Variants in DEFB118 observed in about 807,000 individuals in gnomAD.
DEFB118 encodes the protein defensin beta 118, also known as defensin, beta 18.
Under a neutral mutation model 2.8 loss-of-function variants are expected in DEFB118, and 3 were observed. The observed-to-expected ratio is 1.09, with a 90% CI of 0.50 to 2.82. DEFB118 has a LOEUF of 2.82. Ranked by LOEUF, DEFB118 falls within the 30% of genes most tolerant of loss-of-function variation. DEFB118 has a pLI of 0.04. For missense variants in DEFB118, 159 were observed against 144.6 expected, an observed-to-expected ratio of 1.10 and a Z score of -0.51; for synonymous variants, 63 against 53.5, an observed-to-expected ratio of 1.18 and a Z score of -0.78.
chr20:31,373,184 A>G lies in DEFB118; in HGVS notation c.*14A>G. ...CATAGCTCATGACTTCCTCTCGGCT[A>G]TCACTCACCCCTGTCCTCAGAGTGA... On this transcript the variant is annotated 3_prime_UTR_variant, in exon 2 of 2. Transcript: ENST00000253381. 6.2e-7 allele frequency: 1 copy of G among 1,608,808 alleles called. No homozygotes were observed. Among genetic ancestry groups the G allele is most frequent in the Non-Finnish European group, 8.5e-7 (1 of 1,177,340 alleles).
At position 31,373,765 on chromosome 20, in the gene DEFB118, G is replaced by A. The variant is rs1600501008; in HGVS notation, c.*595G>A. On this transcript the variant is annotated 3_prime_UTR_variant, in exon 2 of 2. Transcript: ENST00000253381. The stretch of plus-strand genomic sequence containing the variant: ...GCTGTCGAAAAGCTTTTATGGCTCT[G>A]TAGACCCATCTTTTTGACCAAGCCT... 1 of 153,246 alleles carries A rather than the reference G, an allele frequency of 6.5e-6. No homozygotes were observed. Among genetic ancestry groups the A allele is most frequent in the Non-Finnish European group, 1.5e-5 (1 of 68,838 alleles). 9.5% of individuals were successfully genotyped at this position (153,246 alleles called of 1,614,324 possible). A position where few individuals can be genotyped will look rare whatever the true frequency, so the allele number is the denominator to read the frequency against.
In DEFB118 at chr20:31,373,444, CTTAG is replaced by C. The variant is rs1206230144; in HGVS notation, c.*279_*282del. 1 of 418,134 alleles carries C rather than the reference CTTAG, an allele frequency of 2.4e-6. No homozygotes were observed. The highest frequency in any genetic ancestry group is 4.3e-6 in the Non-Finnish European group (1 of 234,476). 25.9% of individuals were successfully genotyped at this position (418,134 alleles called of 1,614,324 possible). A position where few individuals can be genotyped will look rare whatever the true frequency, so the allele number is the denominator to read the frequency against. ...AGTGACCTATGCACAACTTCAATAGCTTAGTTAGCTATTCCAACAACAATTTCTT... is the reference window on the plus strand; with the variant it reads ...AGTGACCTATGCACAACTTCAATAGCTTAGCTATTCCAACAACAATTTCTT... On this transcript the variant is annotated 3_prime_UTR_variant, in exon 2 of 2. Transcript: ENST00000253381.
intron 1 of DEFB118, among the ~76,000 whole-genome samples, chr20:31,369,388 T>G (rs987549117): frequency 1.0e-4 from 15 of 142,892 alleles, no homozygotes; most frequent in Admixed American, 4.1e-4. Flanking sequence ...CTCTTGTGTT[T>G]TTTTTTTTTT....
In DEFB118 at chr20:31,373,033, G is replaced by T. The variant is rs1224205467; in HGVS notation, c.235G>T (p.Gly79Ter). ...SPTPLSDSTP[G>*]IIDDILTVRF... ...CACACCCTTGAGTGACTCAACACCAGGAATTATTGATGATATTTTAACAGT... is the reference window on the plus strand; with the variant it reads ...CACACCCTTGAGTGACTCAACACCATGAATTATTGATGATATTTTAACAGT... Residue 79 changes from glycine (G) to a stop codon, truncating the protein, a stop_gained, in exon 2 of 2, where the codon GGA (glycine) becomes TGA (stop). Coordinates refer to ENST00000253381, the MANE Select transcript of DEFB118 (RefSeq NM_054112.3). LOFTEE classifies it low-confidence loss of function (END_TRUNC). The T allele has an allele frequency of 6.2e-7, 1 of 1,614,128 alleles. No homozygotes were observed. Among genetic ancestry groups the T allele is most frequent in the Admixed American group, 1.7e-5 (1 of 60,022 alleles).
Position 31,373,110 on chromosome 20 carries a change from A to G in DEFB118, c.312A>G (p.Glu104=), listed in dbSNP as rs1178889974. Residue 104 remains glutamate, a synonymous_variant, in exon 2 of 2, where the codon GAA becomes GAG. Coordinates refer to ENST00000253381, the MANE Select transcript of DEFB118 (RefSeq NM_054112.3). ...FEVSSKKDMV[E]ESEAGRGTET... is the part of the protein sequence containing the mutation. ...TAAGCAGCAAGAAAGATATGGTTGAAGAGTCTGAGGCGGGAAGGGGAACTG... is the reference window on the plus strand; with the variant it reads ...TAAGCAGCAAGAAAGATATGGTTGAGGAGTCTGAGGCGGGAAGGGGAACTG... 19 of 1,614,074 alleles carry G rather than the reference A, an allele frequency of 1.2e-5. No homozygotes were observed. Among genetic ancestry groups the G allele is most frequent in the Non-Finnish European group, 1.6e-5 (19 of 1,180,038 alleles).
rs2122274544 is a variant in DEFB118, at chr20:31,373,569, ATGACACTAAAAGC to A, written c.*401_*413del. 1.1e-5 allele frequency: 2 copies of A among 183,354 alleles called. No homozygotes were observed. The highest frequency in any genetic ancestry group is 2.6e-4 in the South Asian group (2 of 7,742). 11.4% of individuals were successfully genotyped at this position (183,354 alleles called of 1,614,324 possible). A position where few individuals can be genotyped will look rare whatever the true frequency, so the allele number is the denominator to read the frequency against. ...CTTTGCATCTGTGAGAGTAGCTACTATGACACTAAAAGCTTTTTTTCTAGAACAGGAGACACTT... is the reference window on the plus strand; with the variant it reads ...CTTTGCATCTGTGAGAGTAGCTACTATTTTTTTCTAGAACAGGAGACACTT... On this transcript the variant is annotated 3_prime_UTR_variant, in exon 2 of 2. Coordinates refer to ENST00000253381, the MANE Select transcript of DEFB118 (RefSeq NM_054112.3).
chr20:31,373,277 G>A lies in DEFB118; in HGVS notation c.*107G>A, dbSNP rs866586564. On this transcript the variant is annotated 3_prime_UTR_variant, in exon 2 of 2. Coordinates refer to ENST00000253381, the MANE Select transcript of DEFB118 (RefSeq NM_054112.3). ...TGACCCTCCCACCCCCCACCAATATGTAATTCTATTAATAGAAACAGCTGT... is the reference window on the plus strand; with the variant it reads ...TGACCCTCCCACCCCCCACCAATATATAATTCTATTAATAGAAACAGCTGT... 1 of 966,372 alleles carries A rather than the reference G, an allele frequency of 1.0e-6. No individual in the cohort carries two copies. The highest frequency in any genetic ancestry group is 1.5e-6 in the Non-Finnish European group (1 of 663,080). 59.9% of individuals were successfully genotyped at this position (966,372 alleles called of 1,614,324 possible).
Position 31,373,119 on chromosome 20 carries a change from G to A in DEFB118, c.321G>A (p.Glu107=), listed in dbSNP as rs6141822. The stretch of plus-strand genomic sequence containing the variant: ...AGAAAGATATGGTTGAAGAGTCTGA[G>A]GCGGGAAGGGGAACTGAGACCTCTC... ...SSKKDMVEES[E]AGRGTETSLP... is the part of the protein sequence containing the mutation. Residue 107 remains glutamate, a synonymous_variant, in exon 2 of 2, where the codon GAG becomes GAA. Transcript: ENST00000253381. 3.7e-6 allele frequency: 6 copies of A among 1,614,062 alleles called. No homozygotes were observed. The East Asian group carries it at 6.7e-5, about 18-fold the overall frequency.
Position 31,373,866 on chromosome 20 carries a change from A to G in DEFB118, c.*696A>G, listed in dbSNP as rs1986258470. On this transcript the variant is annotated 3_prime_UTR_variant, in exon 2 of 2. Coordinates refer to ENST00000253381, the MANE Select transcript of DEFB118 (RefSeq NM_054112.3). The stretch of plus-strand genomic sequence containing the variant: ...AAAGGATGGATCATTTATCTACCTG[A>G]TTACTGAGAGCTTTATTTGTCTCCC... The G allele has an allele frequency of 7.0e-6, 1 of 142,226 alleles. No homozygotes were observed. The highest frequency in any genetic ancestry group is 1.5e-5 in the Non-Finnish European group (1 of 65,772). 8.8% of individuals were successfully genotyped at this position (142,226 alleles called of 1,614,324 possible). A position where few individuals can be genotyped will look rare whatever the true frequency, so the allele number is the denominator to read the frequency against.
chr20:31,373,377 C>A lies in DEFB118; in HGVS notation c.*207C>A. The A allele has an allele frequency of 1.8e-6, 1 of 570,366 alleles. No individual in the cohort carries two copies. The highest frequency in any genetic ancestry group is 3.1e-6 in the Non-Finnish European group (1 of 324,476). The allele number at this position is 570,366 out of a possible 1,614,324, so 35.3% of individuals were successfully genotyped here. On this transcript the variant is annotated 3_prime_UTR_variant, in exon 2 of 2. Coordinates refer to ENST00000253381, the MANE Select transcript of DEFB118 (RefSeq NM_054112.3). ...CTCTTCTTGAAATGTCACATTATTT[C>A]CACAACAAGTTATAACCTATTTTTA...
intron 1 of DEFB118, among the ~76,000 whole-genome samples, chr20:31,371,291 T>C (rs1337525304): frequency 1.3e-5 from 2 of 151,988 alleles, no homozygotes; most frequent in East Asian, 1.9e-4. Flanking sequence ...CTCTCTTCCT[T>C]CTCAAACCTC....
intron 1 of DEFB118, among the ~76,000 whole-genome samples, chr20:31,370,294 G>T (rs1986192258): frequency 6.6e-6 from 1 of 152,172 alleles, no homozygotes; most frequent in African/African-American, 2.4e-5. Context: ...TAATTCTTCA[G>T]TTACAATTCC....
chr20:31,368,798 G>A, intron 1 of DEFB118, 90 bp downstream of exon 1: 4 of 1,265,980 alleles, frequency 3.2e-6, no homozygotes, highest in Non-Finnish European at 4.6e-6. Flanking sequence ...TCCCCAACAT[G>A]GGCAGCTCCA....
In DEFB118 at chr20:31,373,160, A is replaced by G. The variant is rs771515326; in HGVS notation, c.362A>G (p.His121Arg). 62 of 1,612,892 alleles carry G rather than the reference A, an allele frequency of 3.8e-5. No individual in the cohort carries two copies. The highest frequency in any genetic ancestry group is 5.0e-5 in the Admixed American group (3 of 59,994). ...GTETSLPNVH[H>R]SS is the part of the protein sequence containing the mutation. ...GAGACCTCTCTTCCAAATGTTCACCATAGCTCATGACTTCCTCTCGGCTAT... is the reference window on the plus strand; with the variant it reads ...GAGACCTCTCTTCCAAATGTTCACCGTAGCTCATGACTTCCTCTCGGCTAT... Residue 121 changes from histidine to arginine, a missense_variant, in exon 2 of 2, where the codon CAT becomes CGT. Transcript: ENST00000253381.
At chr20:31,370,063 T>A (rs565779102) in intron 1 of DEFB118, among the ~76,000 whole-genome samples, 3 of 152,092 alleles carry the variant, frequency 2.0e-5, no homozygotes, top group Admixed American at 2.0e-4. Context: ...AGACTCCCAC[T>A]GCACACAGCG....
chr20:31,370,771 AAC>A (rs1036440357), intron 1 of DEFB118, among the ~76,000 whole-genome samples: 2 of 152,016 alleles, frequency 1.3e-5, no homozygotes, highest in African/African-American at 4.8e-5. Flanking sequence ...TCTGTTTTGA[AAC>A]AGAGTCTCGC....
Position 31,372,925 on chromosome 20 carries a change from G to T in DEFB118, c.127G>T (p.Ala43Ser), listed in dbSNP as rs761656795. Residue 43 changes from alanine to serine, a missense_variant, in exon 2 of 2, where the codon GCA becomes TCA. Ala to Ser is a moderately conservative substitution (Grantham distance 99). Coordinates refer to ENST00000253381, the MANE Select transcript of DEFB118 (RefSeq NM_054112.3). ...CAGGAAACAATGCAAAGATGGAGAA[G>T]CAGTGAAAGATACATGCAAAAATCT... ...HCRKQCKDGE[A>S]VKDTCKNLRA... is the part of the protein sequence containing the mutation. 6.2e-7 allele frequency: 1 copy of T among 1,614,164 alleles called. No individual in the cohort carries two copies. The highest frequency in any genetic ancestry group is 1.1e-5 in the South Asian group (1 of 91,084).
rs1488305225 is a variant in DEFB118, at chr20:31,373,759, G to A, written c.*589G>A. The A allele has an allele frequency of 1.3e-5, 2 of 154,214 alleles. No homozygotes were observed. Among genetic ancestry groups the A allele is most frequent in the Admixed American group, 6.4e-5 (1 of 15,740 alleles). The allele number at this position is 154,214 out of a possible 1,614,324, so 9.6% of individuals were successfully genotyped here. A position where few individuals can be genotyped will look rare whatever the true frequency, so the allele number is the denominator to read the frequency against. On this transcript the variant is annotated 3_prime_UTR_variant, in exon 2 of 2. Coordinates refer to ENST00000253381, the MANE Select transcript of DEFB118 (RefSeq NM_054112.3). ...TGAAATGCTGTCGAAAAGCTTTTAT[G>A]GCTCTGTAGACCCATCTTTTTGACC... is the stretch of plus-strand genomic sequence containing the variant.
intron 1 of DEFB118, 42 bp from the exon 2 acceptor site, chr20:31,372,815 A>G (rs1258581619): frequency 6.5e-7 from 1 of 1,529,776 alleles, no homozygotes; most frequent in Non-Finnish European, 9.0e-7. Context: ...AATTGAGAGC[A>G]TCAGTAACCC....
Sources: gnomAD v4.1 joint callset for allele counts (sites outside exome capture counted in the v4.1 genomes callset) on GRCh38, gnomAD v4.1.1 for gene constraint, MANE v1.5 for transcripts, NCBI Gene and HGNC (gene_info 2026-07-23, HGNC 2026-07-21) for gene names.